Variants in DCC observed in about 807,000 individuals in gnomAD.
DCC encodes DCC netrin 1 receptor.
In DCC, 58 loss-of-function variants were observed where a neutral mutation model predicts 172.5. The observed-to-expected ratio is 0.34, with a 90% CI of 0.27 to 0.42. The LOEUF is 0.42. Among genes scored for constraint, DCC ranks in the 10% least tolerant of loss-of-function variants. The pLI is 1.00. For missense variants in DCC, 1,740 were observed against 1,791.0 expected, an observed-to-expected ratio of 0.97 and a Z score of 0.51; for synonymous variants, 709 against 644.5, an observed-to-expected ratio of 1.10 and a Z score of -1.52.
chr18:53,330,973 A>C (rs940955737), intron 14 of DCC, among the ~76,000 whole-genome samples: 1 of 152,192 alleles, frequency 6.6e-6, no homozygotes, highest in Non-Finnish European at 1.5e-5. Flanking sequence ...TGAATGTAAA[A>C]TATTCATAGC....
intron 1 of DCC, among the ~76,000 whole-genome samples, chr18:52,482,952 T>C (rs906231935): frequency 1.3e-5 from 2 of 152,122 alleles, no homozygotes; most frequent in Non-Finnish European, 2.9e-5. Context: ...AATTGAAATG[T>C]ATTTATTTTC....
chr18:53,103,842 T>C (rs977067328), intron 7 of DCC, among the ~76,000 whole-genome samples: 2 of 151,992 alleles, frequency 1.3e-5, no homozygotes, highest in Non-Finnish European at 2.9e-5. Flanking sequence ...TGAGTGTCCT[T>C]ATTCATTATT....
intron 12 of DCC, among the ~76,000 whole-genome samples, chr18:53,260,662 G>T (rs2056584917): frequency 6.6e-6 from 1 of 152,206 alleles, no homozygotes; most frequent in South Asian, 2.1e-4. Flanking sequence ...GGACCCACTT[G>T]AGGAGGCAGC....
chr18:53,227,605 A>G (rs2056054088), intron 12 of DCC, among the ~76,000 whole-genome samples: 1 of 152,322 alleles, frequency 6.6e-6, no homozygotes, highest in African/African-American at 2.4e-5. Context: ...ATTGAGAAGT[A>G]TGTTAATAGT....
chr18:53,439,405 G>C (rs927220591), intron 22 of DCC, among the ~76,000 whole-genome samples: 2 of 152,068 alleles, frequency 1.3e-5, no homozygotes, highest in African/African-American at 4.8e-5. Flanking sequence ...TTTAAACCTT[G>C]TATACAATAA....
At chr18:53,455,372 TCAATG>T (rs1174056711) in intron 23 of DCC, among the ~76,000 whole-genome samples, 2 of 152,170 alleles carry the variant, frequency 1.3e-5, no homozygotes, top group African/African-American at 4.8e-5. Context: ...TTTTAGAACT[TCAATG>T]GACACAGTCT....
intron 1 of DCC, among the ~76,000 whole-genome samples, chr18:52,376,815 A>G (rs1186251898): frequency 6.6e-6 from 1 of 152,218 alleles, no homozygotes; most frequent in Non-Finnish European, 1.5e-5. Flanking sequence ...TTATTAGAAT[A>G]CATGAAGTAG....
intron 1 of DCC, among the ~76,000 whole-genome samples, chr18:52,350,313 G>A (rs778210649): frequency 3.3e-5 from 5 of 152,156 alleles, no homozygotes; most frequent in Non-Finnish European, 5.9e-5. Context: ...TTTTGTCATT[G>A]GTTCTGTTTA....
At chr18:52,951,809 C>T (rs188898598) in intron 5 of DCC, among the ~76,000 whole-genome samples, 2,124 of 152,224 alleles carry the variant, frequency 0.014, 40 homozygotes, top group African/African-American at 0.048. Context: ...TGTCATTTTG[C>T]ATAAATTGCA....
intron 1 of DCC, among the ~76,000 whole-genome samples, chr18:52,627,285 G>T (rs1416853296): frequency 2.0e-5 from 3 of 152,072 alleles, no homozygotes; most frequent in African/African-American, 7.2e-5. Context: ...TAAAGACTTG[G>T]TCTGTTTTGG....
chr18:53,469,698 T>C (rs2045671441), intron 25 of DCC, among the ~76,000 whole-genome samples: 1 of 152,172 alleles, frequency 6.6e-6, no homozygotes, highest in Non-Finnish European at 1.5e-5. Flanking sequence ...CATACAAATA[T>C]TAATATTCTG....
In DCC at chr18:53,399,874, C is replaced by CAGCCTGGGCG. The variant is rs1048136943; in HGVS notation, c.2827+2430_2827+2439dup. Among the ~76,000 whole-genome samples the CAGCCTGGGCG allele has an allele frequency of 7.4e-3, 4 of 544 alleles. 2 individuals carry two copies. Among genetic ancestry groups the CAGCCTGGGCG allele is most frequent in the African/African-American group, 7.4e-3 (4 of 544 alleles). The allele number at this position is 544 out of a possible 152,430, so 0.4% of individuals were successfully genotyped here. On this transcript the variant is annotated intron_variant, in intron 18 of 28. Coordinates refer to ENST00000442544, the MANE Select transcript of DCC (RefSeq NM_005215.4). ...GAGCCGAGATCCCGCCACTGCACTC[C>CAGCCTGGGCG]AGCCTGGGCGACAGAGCGAGACTCC...
intron 2 of DCC, among the ~76,000 whole-genome samples, chr18:52,764,201 G>C (rs1835716): frequency 0.21 from 31,781 of 152,092 alleles, 4,725 homozygotes; most frequent in African/African-American, 0.42. Flanking sequence ...ATAGAGCTGG[G>C]TTCTTCTTAA....
At chr18:53,514,565 G>T (rs1300314740) in intron 27 of DCC, among the ~76,000 whole-genome samples, 1 of 151,806 alleles carries the variant, frequency 6.6e-6, no homozygotes, top group Admixed American at 6.6e-5. Context: ...GACTAATAAA[G>T]AAAAAAAGAG....
At chr18:52,448,925 A>C (rs1598827188) in intron 1 of DCC, among the ~76,000 whole-genome samples, 1 of 152,232 alleles carries the variant, frequency 6.6e-6, no homozygotes, top group Non-Finnish European at 1.5e-5. Flanking sequence ...TTAGAATAAT[A>C]GTCTTAATCT....
intron 2 of DCC, among the ~76,000 whole-genome samples, chr18:52,822,959 T>C (rs1423902340): frequency 6.6e-6 from 1 of 152,148 alleles, no homozygotes; most frequent in East Asian, 1.9e-4. Flanking sequence ...AGTCAAAACA[T>C]GAGAAAATGA....
chr18:52,691,272 A>C (rs1458491746), intron 1 of DCC, among the ~76,000 whole-genome samples: 1 of 152,140 alleles, frequency 6.6e-6, no homozygotes, highest in South Asian at 2.1e-4. Context: ...ATCACCCTGC[A>C]GGAACATCAG....
At chr18:53,127,260 G>T (rs1305723533) in intron 7 of DCC, among the ~76,000 whole-genome samples, 1 of 151,334 alleles carries the variant, frequency 6.6e-6, no homozygotes, top group Admixed American at 6.6e-5. Flanking sequence ...TCCCGCCTGA[G>T]CCTCCCAAAG....
chr18:53,110,020 G>A (rs550925001), intron 7 of DCC, among the ~76,000 whole-genome samples: 1 of 151,490 alleles, frequency 6.6e-6, no homozygotes, highest in Admixed American at 6.6e-5. Flanking sequence ...AACAAGATAT[G>A]CTCATTTCAT....
Sources: gnomAD v4.1 joint callset for allele counts (sites outside exome capture counted in the v4.1 genomes callset) on GRCh38, gnomAD v4.1.1 for gene constraint, MANE v1.5 for transcripts, NCBI Gene and HGNC (gene_info 2026-07-23, HGNC 2026-07-21) for gene names.